The following PRR5L variants were observed in gnomAD, a reference collection of about 807,000 sequenced individuals.
PRR5L encodes proline rich 5 like, also known as proline-rich protein 5-like.
In PRR5L, 21 loss-of-function variants were observed where a neutral mutation model predicts 36.4. That is an observed-to-expected ratio of 0.58 (90% CI 0.41 to 0.83). The LOEUF (loss-of-function observed/expected upper bound fraction) is 0.83. PRR5L is among the 40% of genes least tolerant of loss of function. The pLI is 0.00. For missense variants in PRR5L, 381 were observed against 473.3 expected, an observed-to-expected ratio of 0.80 and a Z score of 1.81; for synonymous variants, 188 against 197.0, an observed-to-expected ratio of 0.95 and a Z score of 0.38.
intron 1 of PRR5L, among the ~76,000 whole-genome samples, chr11:36,368,930 T>C (rs1346531758): frequency 6.6e-6 from 1 of 152,154 alleles, no homozygotes; most frequent in African/African-American, 2.4e-5. Flanking sequence ...CCCAATCACT[T>C]TAAAGAGAGT....
At chr11:36,412,809 A>G (rs890056337) in intron 3 of PRR5L, among the ~76,000 whole-genome samples, 4 of 152,118 alleles carry the variant, frequency 2.6e-5, no homozygotes, top group Non-Finnish European at 5.9e-5. Context: ...TCACTCTCTC[A>G]TAGGGCCCAG....
chr11:36,339,993 C>G (rs1856803160), intron 1 of PRR5L, among the ~76,000 whole-genome samples: 1 of 152,214 alleles, frequency 6.6e-6, no homozygotes. Flanking sequence ...CTCTCAACCT[C>G]TGGTCTCTCC....
chr11:36,403,352 G>A lies in PRR5L; in HGVS notation c.219G>A (p.Glu73=). The A allele has an allele frequency of 6.2e-7, 1 of 1,614,126 alleles. No homozygotes were observed. The highest frequency in any genetic ancestry group is 8.5e-7 in the Non-Finnish European group (1 of 1,180,016). ...AAGGGGGTGGCTTGCAAAGCAACGA[G>A]CTCTATGCCCTGAACGAAAACATCA... is the stretch of plus-strand genomic sequence containing the variant. ...VFKGGGLQSN[E]LYALNENIRR... The change falls in exon 3 of 9, where the codon GAG becomes GAA. Residue 73 remains glutamate (E), a synonymous_variant. Transcript: ENST00000530639.
intron 3 of PRR5L, among the ~76,000 whole-genome samples, chr11:36,406,539 A>AC (rs1205757879): frequency 6.6e-6 from 1 of 152,218 alleles, no homozygotes; most frequent in Non-Finnish European, 1.5e-5. Context: ...TAGCCCTCCC[A>AC]CATCAGCAAG....
chr11:36,379,796 A>G (rs1857338367), intron 1 of PRR5L, among the ~76,000 whole-genome samples: 3 of 152,190 alleles, frequency 2.0e-5, no homozygotes, highest in East Asian at 1.9e-4. Context: ...GGGATCCAAG[A>G]TTTACTTTGA....
At chr11:36,332,828 T>G (rs1044270542) in intron 1 of PRR5L, among the ~76,000 whole-genome samples, 1 of 152,242 alleles carries the variant, frequency 6.6e-6, no homozygotes, top group Non-Finnish European at 1.5e-5. Context: ...AGTGGAAGCT[T>G]GCTGAGGCCT....
intron 8 of PRR5L, among the ~76,000 whole-genome samples, chr11:36,458,818 C>T (rs772524881): frequency 1.3e-5 from 2 of 152,232 alleles, no homozygotes; most frequent in African/African-American, 2.4e-5. Context: ...TGTTCCCCCT[C>T]CTGTCCAAGT....
chr11:36,400,463 T>C (rs886407977), intron 1 of PRR5L, among the ~76,000 whole-genome samples: 7 of 152,172 alleles, frequency 4.6e-5, no homozygotes, highest in Non-Finnish European at 1.0e-4. Context: ...TCAGTGAGTG[T>C]GTCCTGATGA....
At chr11:36,333,132 G>A (rs896569428) in intron 1 of PRR5L, among the ~76,000 whole-genome samples, 12 of 152,132 alleles carry the variant, frequency 7.9e-5, no homozygotes, top group Admixed American at 6.5e-5. Flanking sequence ...CCAAAATAAT[G>A]TGGCTTAAGG....
chr11:36,410,537 C>T (rs1045894340), intron 3 of PRR5L, among the ~76,000 whole-genome samples: 13 of 152,206 alleles, frequency 8.5e-5, no homozygotes, highest in African/African-American at 2.9e-4. Context: ...GGATACACTC[C>T]TACCTGTGAG....
At chr11:36,423,425 A>G (rs556551133) in intron 4 of PRR5L, among the ~76,000 whole-genome samples, 1 of 152,320 alleles carries the variant, frequency 6.6e-6, no homozygotes, top group East Asian at 1.9e-4. Context: ...TCAGGCCCAG[A>G]AAAGGCAATT....
chr11:36,334,511 A>G (rs12420977), intron 1 of PRR5L, among the ~76,000 whole-genome samples: 5,634 of 152,228 alleles, frequency 0.037, 105 homozygotes, highest in Middle Eastern at 0.054. Context: ...CTCCTCTGGT[A>G]CACCATCAAG....
chr11:36,373,568 C>T, intron 1 of PRR5L, among the ~76,000 whole-genome samples: 1 of 149,130 alleles, frequency 6.7e-6, no homozygotes, highest in East Asian at 2.0e-4. Context: ...CACTGCAGTC[C>T]AGCCTAGGCG....
rs1051294923 is a variant in PRR5L, at chr11:36,431,824, T to G, written c.295-29T>G. 2.5e-6 allele frequency: 4 copies of G among 1,611,380 alleles called. No individual in the cohort carries two copies. The East Asian group carries it at 6.7e-5, about 27-fold the overall frequency. On this transcript the variant is annotated intron_variant, in intron 4 of 8. Transcript: ENST00000530639. ...CACTTACGCTCTGGAGTTGTCCAAA[T>G]TCTTATGTTCTTTGTTCTCTTTTGG...
At chr11:36,445,978 G>C (rs898719436) in intron 6 of PRR5L, among the ~76,000 whole-genome samples, 1 of 152,126 alleles carries the variant, frequency 6.6e-6, no homozygotes, top group Admixed American at 6.5e-5. Context: ...AGGTAGTATT[G>C]ATCTTCTCTT....
intron 1 of PRR5L, among the ~76,000 whole-genome samples, chr11:36,370,513 A>G (rs891931562): frequency 3.3e-5 from 5 of 152,340 alleles, no homozygotes; most frequent in South Asian, 2.1e-4. Context: ...CTTGACACCA[A>G]TAAGTGGCCA....
Position 36,463,022 on chromosome 11 carries a change from T to A in PRR5L, c.*286T>A, listed in dbSNP as rs1859224649. 1 of 341,220 alleles carries A rather than the reference T, an allele frequency of 2.9e-6. No individual in the cohort carries two copies. The highest frequency in any genetic ancestry group is 5.3e-6 in the Non-Finnish European group (1 of 188,244). 21.1% of individuals were successfully genotyped at this position (341,220 alleles called of 1,614,324 possible). A position where few individuals can be genotyped will look rare whatever the true frequency, so the allele number is the denominator to read the frequency against. On this transcript the variant is annotated 3_prime_UTR_variant, in exon 9 of 9. Coordinates refer to ENST00000530639, the MANE Select transcript of PRR5L (RefSeq NM_001160167.2). Reference sequence around the variant, plus strand: ...TGACTCAGATCCTCATCTCTGGGCCTTTCTCCCTCCGATGTTGGACTGCCT... The same window carrying A: ...TGACTCAGATCCTCATCTCTGGGCCATTCTCCCTCCGATGTTGGACTGCCT...
chr11:36,330,211 A>G (rs952734089), intron 1 of PRR5L, among the ~76,000 whole-genome samples: 1 of 152,220 alleles, frequency 6.6e-6, no homozygotes, highest in Non-Finnish European at 1.5e-5. Flanking sequence ...ATAATCTACT[A>G]AATTGCTGTA....
chr11:36,442,691 C>G (rs924573896), intron 6 of PRR5L, among the ~76,000 whole-genome samples: 12 of 152,136 alleles, frequency 7.9e-5, no homozygotes, highest in African/African-American at 2.9e-4. Context: ...AGTTCAACCT[C>G]CCACAAATCC....
Sources: allele counts gnomAD v4.1 joint callset (sites outside exome capture counted in the v4.1 genomes callset), GRCh38; gene constraint gnomAD v4.1.1; transcripts MANE v1.5; gene names NCBI Gene and HGNC (gene_info 2026-07-23, HGNC 2026-07-21).